RPS6KA6: variants seen among roughly 807,000 people sequenced by gnomAD.
The protein encoded by RPS6KA6 is ribosomal protein S6 kinase A6.
Under a neutral mutation model 65.4 loss-of-function variants are expected in RPS6KA6, and 27 were observed. The ratio of observed to expected loss-of-function variants is 0.41; its 90% CI spans 0.30 to 0.57. The LOEUF (loss-of-function observed/expected upper bound fraction) is 0.57, where lower values mean the gene tolerates loss of function less well. RPS6KA6 is among the 20% of genes least tolerant of loss of function. The probability of loss-of-function intolerance (pLI) is 0.24; values close to 1 mark genes in which losing one functional copy is unlikely to be tolerated. For synonymous variants in RPS6KA6, 190 were observed against 184.2 expected (o/e 1.03, Z -0.26); for missense variants, 486 against 555.6 (o/e 0.87, Z 1.26).
chrX:84,159,515 T>C (rs1302717080), intron 2 of RPS6KA6, among the ~76,000 whole-genome samples: 1 of 111,206 alleles, frequency 9.0e-6, no homozygotes, highest in African/African-American at 3.3e-5. Flanking sequence ...ATATATGCAC[T>C]CTTATTATTC....
At position 84,062,949 on chromosome X, in the gene RPS6KA6, T is replaced by TAGCAGC. The variant is rs1249115034; in HGVS notation, c.*1327_*1328insGCTGCT. Reference sequence around the variant, plus strand: ...GTAGTAGTAGTAGTAGTAGTAGTAGTAGTAGCAGTAGTAGCTGCTGCTGTT... The same window carrying TAGCAGC: ...GTAGTAGTAGTAGTAGTAGTAGTAGTAGCAGCAGTAGCAGTAGTAGCTGCTGCTGTT... On this transcript the variant is annotated 3_prime_UTR_variant, in exon 22 of 22. Coordinates refer to ENST00000262752, the MANE Select transcript of RPS6KA6 (RefSeq NM_014496.5). 4.0e-5 allele frequency: 4 copies of TAGCAGC among 101,024 alleles called. No individual in the cohort carries two copies. The highest frequency in any genetic ancestry group is 1.4e-4 in the African/African-American group (4 of 28,136). The allele number at this position is 101,024 out of a possible 1,213,427, so 8.3% of individuals were successfully genotyped here.
At chrX:84,168,981 T>A (rs1201758190) in intron 1 of RPS6KA6, among the ~76,000 whole-genome samples, 1 of 112,141 alleles carries the variant, frequency 8.9e-6, no homozygotes, top group Non-Finnish European at 1.9e-5. Context: ...ATAATTTAAA[T>A]CACTTTCATC....
Position 84,062,338 on chromosome X carries a change from C to T in RPS6KA6, c.*1939G>A. ...AAATGCATCCATGGAAATAGTATCT[C>T]TGTCCTGAAAACTTCAACACCAAAA... On this transcript the variant is annotated 3_prime_UTR_variant, in exon 22 of 22. Transcript: ENST00000262752. 1 of 111,572 alleles carries T rather than the reference C, an allele frequency of 9.0e-6. No individual in the cohort carries two copies. The highest frequency in any genetic ancestry group is 1.9e-5 in the Non-Finnish European group (1 of 53,033). 9.2% of individuals were successfully genotyped at this position (111,572 alleles called of 1,213,427 possible).
rs574804743 is a variant in RPS6KA6 at position 84,107,816 on chromosome X, C to A, written c.1009-91G>T. The A allele has an allele frequency of 2.3e-4, 90 of 399,713 alleles. No homozygotes were observed. In the South Asian group the frequency reaches 7.4e-3, roughly 33 times the overall value. 32.9% of individuals were successfully genotyped at this position (399,713 alleles called of 1,213,427 possible). On this transcript the variant is annotated intron_variant, in intron 12 of 21. Coordinates refer to ENST00000262752, the MANE Select transcript of RPS6KA6 (RefSeq NM_014496.5). ...CAAAGCAGAACATAATATTCACAGT[C>A]CATAATAGAAGACTAACAATTTCAT...
intron 8 of RPS6KA6, among the ~76,000 whole-genome samples, chrX:84,125,654 A>G (rs1477955500): frequency 9.0e-6 from 1 of 111,086 alleles, no homozygotes; most frequent in East Asian, 2.8e-4. Flanking sequence ...AGAGATTGAG[A>G]CCATCCTGGC....
intron 20 of RPS6KA6, among the ~76,000 whole-genome samples, chrX:84,079,829 G>A (rs1331619807): frequency 1.8e-5 from 2 of 112,362 alleles, no homozygotes; most frequent in East Asian, 5.7e-4. Context: ...GCCACAGTCA[G>A]GGGCTTATAG....
Position 84,153,274 on chromosome X carries a change from C to T in RPS6KA6, c.258+2801G>A, listed in dbSNP as rs191534535. ...AAAGCAAAAGTATTTTTTTATAATCCACAAATATTAAAATGTATGTTTTAT... is the reference window on the plus strand; with the variant it reads ...AAAGCAAAAGTATTTTTTTATAATCTACAAATATTAAAATGTATGTTTTAT... On this transcript the variant is annotated intron_variant, in intron 3 of 21. Coordinates refer to ENST00000262752, the MANE Select transcript of RPS6KA6 (RefSeq NM_014496.5). Among the ~76,000 whole-genome samples the T allele has an allele frequency of 1.4e-3, 156 of 111,046 alleles. 1 individual carries two copies. The highest frequency in any genetic ancestry group is 3.7e-3 in the Admixed American group (38 of 10,378).
rs2034186193 is a variant in RPS6KA6 at position 84,097,823 on chromosome X, G to T, written c.1802C>A (p.Ala601Asp). The T allele has an allele frequency of 1.7e-5, 20 of 1,194,390 alleles. No individual in the cohort carries two copies. Among genetic ancestry groups the T allele is most frequent in the Non-Finnish European group, 2.3e-5 (20 of 883,338 alleles). ...TCCTAAACTCCAGATATCACAAGCA[G>T]CATCATATCCCTGTTGCATAAGAAC... is the stretch of plus-strand genomic sequence containing the variant. ...PEVLMQQGYD[A>D]ACDIWSLGVL... The change falls in exon 19 of 22, where the codon GCT becomes GAT. Residue 601 changes from alanine to aspartate, a missense_variant. By Grantham distance (126) the Ala-to-Asp change is moderately radical (BLOSUM62 -2). Transcript: ENST00000262752.
At chrX:84,147,816 A>G (rs1439060183) in intron 4 of RPS6KA6, among the ~76,000 whole-genome samples, 1 of 111,977 alleles carries the variant, frequency 8.9e-6, no homozygotes, top group Non-Finnish European at 1.9e-5. Context: ...ATTAAATGAA[A>G]TATGTCACTT....
intron 1 of RPS6KA6, among the ~76,000 whole-genome samples, chrX:84,178,685 T>C (rs2035804246): frequency 1.8e-5 from 2 of 111,515 alleles, no homozygotes; most frequent in Admixed American, 1.9e-4. Context: ...AGAGAACAGG[T>C]AGTCTTTTCA....
intron 20 of RPS6KA6, among the ~76,000 whole-genome samples, chrX:84,069,803 GA>G (rs2033492678): frequency 8.9e-6 from 1 of 112,195 alleles, no homozygotes; most frequent in African/African-American, 3.2e-5. Context: ...AAAAACATAT[GA>G]AAAAAAGCTC....
intron 6 of RPS6KA6, among the ~76,000 whole-genome samples, chrX:84,137,730 A>C (rs1166294848): frequency 2.7e-5 from 3 of 111,990 alleles, no homozygotes; most frequent in African/African-American, 9.7e-5. Context: ...CATGTTTAGT[A>C]GTCTTTCTAC....
At chrX:84,143,942 C>CT (rs1305388168) in intron 6 of RPS6KA6, among the ~76,000 whole-genome samples, 1 of 111,075 alleles carries the variant, frequency 9.0e-6, no homozygotes, top group African/African-American at 3.3e-5. Flanking sequence ...AAAAGACAGA[C>CT]TTTTCCAATA....
chrX:84,068,550 T>C (rs368391412), intron 20 of RPS6KA6, among the ~76,000 whole-genome samples: 2 of 111,870 alleles, frequency 1.8e-5, no homozygotes, highest in African/African-American at 3.2e-5. Flanking sequence ...CTATTCATCA[T>C]AGTATTGGAA....
At chrX:84,183,845 TA>T (rs1471164822) in intron 1 of RPS6KA6, among the ~76,000 whole-genome samples, 2 of 109,871 alleles carry the variant, frequency 1.8e-5, no homozygotes, top group Non-Finnish European at 3.8e-5. Flanking sequence ...CCATTGTTGA[TA>T]ATCTTGTGCC....
chrX:84,125,490 A>C (rs2034764969), intron 8 of RPS6KA6, among the ~76,000 whole-genome samples: 2 of 111,671 alleles, frequency 1.8e-5, no homozygotes, highest in Admixed American at 1.9e-4. Flanking sequence ...TTAAAATAAG[A>C]GGTATTAGAT....
intron 18 of RPS6KA6, among the ~76,000 whole-genome samples, chrX:84,100,602 G>A: frequency 9.1e-6 from 1 of 110,152 alleles, no homozygotes; most frequent in Non-Finnish European, 1.9e-5. Flanking sequence ...TATTTATGAG[G>A]ACCTTTATGA....
intron 19 of RPS6KA6, among the ~76,000 whole-genome samples, chrX:84,096,861 G>A (rs184862263): frequency 2.3e-4 from 26 of 111,047 alleles, no homozygotes; most frequent in Admixed American, 2.2e-3. Flanking sequence ...GATCAATCAT[G>A]TAGATTAATT....
intron 16 of RPS6KA6, among the ~76,000 whole-genome samples, chrX:84,105,149 T>A (rs910127485): frequency 9.1e-6 from 1 of 109,530 alleles, no homozygotes; most frequent in African/African-American, 3.3e-5. Flanking sequence ...ATTTATACAC[T>A]TTTCACTCAG....
Sources: gnomAD v4.1 joint callset for allele counts (sites outside exome capture counted in the v4.1 genomes callset) on GRCh38, gnomAD v4.1.1 for gene constraint, MANE v1.5 for transcripts, NCBI Gene and HGNC (gene_info 2026-07-23, HGNC 2026-07-21) for gene names.